MYH6: variants seen among roughly 807,000 people sequenced by gnomAD.
MYH6 encodes myosin-6.
A neutral mutation model predicts 223.2 loss-of-function variants in MYH6; 126 were observed. The ratio of observed to expected loss-of-function variants is 0.56; its 90% CI spans 0.49 to 0.65. MYH6 has a LOEUF of 0.65. MYH6 is among the 30% of genes least tolerant of loss of function. The probability of loss-of-function intolerance (pLI) is 0.00; values close to 1 mark genes in which losing one functional copy is unlikely to be tolerated. For missense variants in MYH6, 2,040 were observed against 2,536.4 expected (o/e 0.80, Z 4.20); for synonymous variants, 978 against 1,010.2 (o/e 0.97, Z 0.61).
At chr14:23,397,696 T>A in intron 15 of MYH6, 83 bp from the exon 16 acceptor site, 1 of 1,406,024 alleles carries the variant, frequency 7.1e-7, no homozygotes, top group Non-Finnish European at 1.0e-6. Flanking sequence ...GCTGCTCGCT[T>A]GGTAGCTCTG....
rs780036697 is a variant in MYH6, at chr14:23,396,287, C to T, written c.2426G>A (p.Arg809His). 38 of 1,614,030 alleles carry T rather than the reference C, an allele frequency of 2.4e-5. No individual in the cohort carries two copies. Among genetic ancestry groups the T allele is most frequent in the East Asian group, 6.7e-5 (3 of 44,888 alleles). ...CTCCCTTTTCCTCCTGTCTCACCTG[C>T]GTTCCACTATCTTCTTGAACTCAAT... ...MRIEFKKIVE[R>H]RDALLVIQWN... Residue 809 changes from arginine (R) to histidine (H), a missense_variant, in exon 20 of 39, where the codon CGC (arginine) becomes CAC (histidine). By Grantham distance (29) the Arg-to-His change is conservative. Transcript: ENST00000405093.
At chr14:23,408,165 C>T (rs1221155755) in intron 1 of MYH6, 88 bp downstream of exon 1, 1 of 922,530 alleles carries the variant, frequency 1.1e-6, no homozygotes, top group African/African-American at 1.8e-5. Flanking sequence ...TCCAACTGAC[C>T]TGCACCCCAC....
In MYH6 at chr14:23,402,922, G is replaced by A. The variant is rs960128073; in HGVS notation, c.899-122C>T. On this transcript the variant is annotated intron_variant, in intron 10 of 38. Transcript: ENST00000405093. ...GTAAGGGACGGGGTGAATGGAGGAA[G>A]GGAGGACAGGGAGCAGGGAGAGAAG... 1.1e-4 allele frequency: 84 copies of A among 742,320 alleles called. 1 individual carries two copies. The highest frequency in any genetic ancestry group is 1.1e-4 in the Non-Finnish European group (46 of 427,550). 46.0% of individuals were successfully genotyped at this position (742,320 alleles called of 1,614,324 possible).
chr14:23,398,976 G>A lies in MYH6; in HGVS notation c.1643C>T (p.Thr548Ile). 1 of 1,614,090 alleles carries A rather than the reference G, an allele frequency of 6.2e-7. No homozygotes were observed. Among genetic ancestry groups the A allele is most frequent in the Non-Finnish European group, 8.5e-7 (1 of 1,180,020 alleles). ...GTTGTCGTACAGCTTGGCCTTGAAGGTCATGTCAGTGGCCTTGGGGAACAT... is the reference window on the plus strand; with the variant it reads ...GTTGTCGTACAGCTTGGCCTTGAAGATCATGTCAGTGGCCTTGGGGAACAT... Reference protein sequence around the residue: ...ECMFPKATDMTFKAKLYDNHL... With the variant: ...ECMFPKATDMIFKAKLYDNHL... The change falls in exon 15 of 39, where the codon ACC (threonine) becomes ATC (isoleucine). Residue 548 changes from threonine to isoleucine, a missense_variant. Thr to Ile is a moderately conservative substitution (Grantham distance 89). Coordinates refer to ENST00000405093, the MANE Select transcript of MYH6 (RefSeq NM_002471.4).
rs1555334043 is a variant in MYH6, at chr14:23,394,267, C to T, written c.2486G>A (p.Trp829Ter). The T allele has an allele frequency of 1.2e-6, 2 of 1,614,214 alleles. No homozygotes were observed. Among genetic ancestry groups the T allele is most frequent in the Non-Finnish European group, 1.7e-6 (2 of 1,180,044 alleles). The change falls in exon 21 of 39, where the codon TGG becomes TAG. Residue 829 changes from tryptophan (W) to a stop codon, truncating the protein, a stop_gained. Coordinates refer to ENST00000405093, the MANE Select transcript of MYH6 (RefSeq NM_002471.4). LOFTEE classifies it high-confidence loss of function. Reference protein sequence around the residue: ...NIRAFMGVKNWPWMKLYFKIK... With the variant: ...NIRAFMGVKN ...CTTGAAGTAGAGCTTCATCCAGGGC[C>T]AATTCTTGACCCCCATGAAGGCCCG...
At position 23,385,953 on chromosome 14, in the gene MYH6, T is replaced by C; in HGVS notation, c.5138A>G (p.Glu1713Gly). Residue 1713 changes from glutamate to glycine, a missense_variant, in exon 34 of 39, where the codon GAG (glutamate) becomes GGG (glycine). Around this residue, in one of 4 missense-constraint regions of MYH6, gnomAD observed 1,203 missense variants for 1,400.2 expected, o/e 0.86. Coordinates refer to ENST00000405093, the MANE Select transcript of MYH6 (RefSeq NM_002471.4). ...CTGGGAATGCAGCAGCTGCACCCGC[T>C]CGCTGGTCTCAATCAGCTCCTGCTC... ...LAEQELIETS[E>G]RVQLLHSQNT... 2 of 1,614,186 alleles carry C rather than the reference T, an allele frequency of 1.2e-6. No homozygotes were observed. The highest frequency in any genetic ancestry group is 1.7e-6 in the Non-Finnish European group (2 of 1,180,032).
chr14:23,391,717 T>A (rs1891242053), intron 25 of MYH6, among the ~76,000 whole-genome samples: 1 of 152,190 alleles, frequency 6.6e-6, no homozygotes, highest in Non-Finnish European at 1.5e-5. Flanking sequence ...GACCTGGCCA[T>A]GTAGCTTCTG....
In MYH6 at chr14:23,387,898, T is replaced by C. The variant is rs1891085351; in HGVS notation, c.4385A>G (p.Tyr1462Cys). The C allele has an allele frequency of 6.2e-7, 1 of 1,613,974 alleles. No individual in the cohort carries two copies. Among genetic ancestry groups the C allele is most frequent in the African/African-American group, 1.3e-5 (1 of 75,028 alleles). The change falls in exon 31 of 39, where the codon TAT becomes TGT. Residue 1462 changes from tyrosine to cysteine, a missense_variant. Transcript: ENST00000405093. The stretch of plus-strand genomic sequence containing the variant: ...CTCCAGCTCAGACTGCGACTCCTCA[T>C]ACTTCTGCTTCCACTCGGCCAGGAT... ...DKILAEWKQK[Y>C]EESQSELESS...
Position 23,398,759 on chromosome 14 carries a change from A to C in MYH6, c.1860T>G (p.Thr620=), listed in dbSNP as rs562851085. Residue 620 remains threonine, a synonymous_variant, in exon 15 of 39, where the codon ACT becomes ACG. Coordinates refer to ENST00000405093, the MANE Select transcript of MYH6 (RefSeq NM_002471.4). ...CGGCAGTTGCGTAGGAGGAGAAGAGAGTGGCCATGAGCTTGAGGGAGGACT... is the reference window on the plus strand; with the variant it reads ...CGGCAGTTGCGTAGGAGGAGAAGAGCGTGGCCATGAGCTTGAGGGAGGACT... ...YQKSSLKLMA[T]LFSSYATADT... The C allele has an allele frequency of 4.5e-5, 72 of 1,614,144 alleles. No individual in the cohort carries two copies. The South Asian group carries it at 6.5e-4, about 15-fold the overall frequency.
rs1434800143 is a variant in MYH6 at position 23,402,730 on chromosome 14, G to A, written c.969C>T (p.Ser323=). Residue 323 remains serine, a synonymous_variant, in exon 11 of 39, where the codon TCC becomes TCT. Transcript: ENST00000405093. The stretch of plus-strand genomic sequence containing the variant: ...CCATGAGCTCCTCGGAGTCATCAAT[G>A]GAGGCCACGGACACCTCTCCCTGAG... ...FVSQGEVSVA[S]IDDSEELMAT... 2.5e-6 allele frequency: 4 copies of A among 1,613,680 alleles called. No individual in the cohort carries two copies. The African/African-American group carries it at 5.3e-5, about 22-fold the overall frequency.
At chr14:23,392,688 T>C in intron 24 of MYH6, 36 bp from the exon 25 acceptor site, 3 of 1,248,730 alleles carry the variant, frequency 2.4e-6, no homozygotes, top group Non-Finnish European at 3.5e-6. Context: ...GAGTGACAGG[T>C]AGCCTTCCTT....
Position 23,398,916 on chromosome 14 carries a change from C to T in MYH6, c.1703G>A (p.Arg568His), listed in dbSNP as rs376291577. 1.1e-5 allele frequency: 17 copies of T among 1,613,950 alleles called. No homozygotes were observed. Among genetic ancestry groups the T allele is most frequent in the African/African-American group, 9.4e-5 (7 of 74,858 alleles). ...LGKSNNFQKPRNIKGKQEAHF... is the reference protein window; with the variant it reads ...LGKSNNFQKPHNIKGKQEAHF... ...GGCTTCCTGCTTCCCCTTGATGTTG[C>T]GTGGCTTCTGGAAATTGTTGGACTT... Residue 568 changes from arginine to histidine, a missense_variant, in exon 15 of 39, where the codon CGC (arginine) becomes CAC (histidine). Physicochemically the swap from Arg to His is conservative, Grantham distance 29. Around this residue, in one of 4 missense-constraint regions of MYH6, gnomAD observed 649 missense variants for 877.3 expected, o/e 0.74. Transcript: ENST00000405093.
At chr14:23,388,125 T>C (rs1891095631) in intron 30 of MYH6, 30 bp downstream of exon 30, 1 of 1,612,242 alleles carries the variant, frequency 6.2e-7, no homozygotes, top group East Asian at 2.2e-5. Flanking sequence ...TTGCCCTGCA[T>C]GCTGGCTGCG....
At chr14:23,394,461 G>A (rs1192958773) in intron 20 of MYH6, 138 bp from the exon 21 acceptor site, 12 of 1,142,504 alleles carry the variant, frequency 1.1e-5, no homozygotes, top group South Asian at 9.5e-5. Flanking sequence ...ACTGAACATG[G>A]AGTTGCTTGA....
At chr14:23,387,362 C>A (rs1891061247) in intron 32 of MYH6, among the ~76,000 whole-genome samples, 167 bp downstream of exon 32, 2 of 152,172 alleles carry the variant, frequency 1.3e-5, no homozygotes, top group Non-Finnish European at 2.9e-5. Context: ...TTGTGCAGAC[C>A]TTGGCTTTGG....
chr14:23,403,104 C>T lies in MYH6; in HGVS notation c.898+244G>A, dbSNP rs144107095. 6.1e-3 allele frequency among the ~76,000 whole-genome samples: 930 copies of T among 151,646 alleles called. 8 individuals carry two copies. The highest frequency in any genetic ancestry group is 0.021 in the African/African-American group (873 of 41,326). ...TAAAGAGGAGAAGGCAAAGACAAGC[C>T]GAGGGAGGAGTGGAGAGAAGGGTGG... On this transcript the variant is annotated intron_variant, in intron 10 of 38. Coordinates refer to ENST00000405093, the MANE Select transcript of MYH6 (RefSeq NM_002471.4).
chr14:23,392,390 T>G (rs188891297), intron 25 of MYH6, among the ~76,000 whole-genome samples, 172 bp downstream of exon 25: 1 of 152,258 alleles, frequency 6.6e-6, no homozygotes, highest in East Asian at 1.9e-4. Flanking sequence ...TAATGTATTC[T>G]TGCTCTATGG....
At position 23,405,071 on chromosome 14, in the gene MYH6, C is replaced by T; in HGVS notation, c.530+29G>A. On this transcript the variant is annotated intron_variant, in intron 6 of 38. Transcript: ENST00000405093. This position sits in a 1 kb window ranked among gnomAD's most constrained non-coding sequence, Gnocchi z 4.7. ...CAGCGTGTATGCCCCCAGCCCAGTC[C>T]CTTCTGTGGGAGGATGGCACTCGCT... is the stretch of plus-strand genomic sequence containing the variant. 6.2e-7 allele frequency: 1 copy of T among 1,614,034 alleles called. No homozygotes were observed. Among genetic ancestry groups the T allele is most frequent in the Non-Finnish European group, 8.5e-7 (1 of 1,179,996 alleles).
chr14:23,398,609 G>T, intron 15 of MYH6, 119 bp downstream of exon 15: 1 of 1,175,324 alleles, frequency 8.5e-7, no homozygotes. Flanking sequence ...GCCAGGAGGT[G>T]GCTTGACTCA....
Sources: allele counts gnomAD v4.1 joint callset (sites outside exome capture counted in the v4.1 genomes callset), GRCh38; gene constraint gnomAD v4.1.1; regional missense constraint gnomAD v4.1.1; non-coding constraint Gnocchi (gnomAD v3.1); transcripts MANE v1.5; gene names NCBI Gene and HGNC (gene_info 2026-07-23, HGNC 2026-07-21).